Variants in VGLL4 observed in about 807,000 individuals in gnomAD.
VGLL4 encodes vestigial like family member 4, also known as transcription cofactor vestigial-like protein 4.
VGLL4 carries 7 observed loss-of-function variants against 21.0 expected under a neutral mutation model. The observed-to-expected ratio is 0.33, with a 90% CI of 0.19 to 0.63. The LOEUF (loss-of-function observed/expected upper bound fraction) is 0.63, where lower values mean the gene tolerates loss of function less well. Ranked by LOEUF, VGLL4 falls within the 20% of genes least tolerant of loss-of-function variation. The pLI is 0.78. For synonymous variants in VGLL4, 222 were observed against 173.2 expected, an observed-to-expected ratio of 1.28 and a Z score of -2.21; for missense variants, 394 against 425.7, an observed-to-expected ratio of 0.93 and a Z score of 0.66.
intron 2 of VGLL4, among the ~76,000 whole-genome samples, chr3:11,667,691 C>A (rs535683041): frequency 6.6e-6 from 1 of 152,220 alleles, no homozygotes; most frequent in Non-Finnish European, 1.5e-5. Context: ...CATCTCATTA[C>A]AAATTTCTTC....
At position 11,636,591 on chromosome 3, in the gene VGLL4, T is replaced by C. The variant is rs141517574; in HGVS notation, c.82+6846A>G. Among the ~76,000 whole-genome samples the C allele has an allele frequency of 4.5e-3, 684 of 152,322 alleles. 8 individuals carry two copies. Among genetic ancestry groups the C allele is most frequent in the African/African-American group, 0.016 (653 of 41,576 alleles). ...AAAGAAACCTGGCACAGCAACAAAGTTGACTTGTAACACATCTCAGCCTTT... is the reference window on the plus strand; with the variant it reads ...AAAGAAACCTGGCACAGCAACAAAGCTGACTTGTAACACATCTCAGCCTTT... On this transcript the variant is annotated intron_variant, in intron 1 of 4. Transcript: ENST00000430365.
chr3:11,603,969 G>A (rs1000512679), intron 1 of VGLL4, among the ~76,000 whole-genome samples: 2 of 152,218 alleles, frequency 1.3e-5, no homozygotes, highest in Admixed American at 1.3e-4. Flanking sequence ...AAATTCTCGT[G>A]CTTGTTTGCA....
intron 1 of VGLL4, among the ~76,000 whole-genome samples, chr3:11,714,695 T>C (rs2076894992): frequency 6.6e-6 from 1 of 152,190 alleles, no homozygotes; most frequent in South Asian, 2.1e-4. Flanking sequence ...AGAAACTCTT[T>C]GGCATTTTTA....
intron 1 of VGLL4, among the ~76,000 whole-genome samples, chr3:11,631,351 C>T (rs1314629632): frequency 6.6e-6 from 1 of 152,132 alleles, no homozygotes; most frequent in Non-Finnish European, 1.5e-5. Flanking sequence ...AGCCCAAGGC[C>T]AACCACTCAT....
intron 2 of VGLL4, among the ~76,000 whole-genome samples, chr3:11,692,295 T>G (rs2076537650): frequency 6.6e-6 from 1 of 152,180 alleles, no homozygotes; most frequent in Non-Finnish European, 1.5e-5. Context: ...ACTATAAAAA[T>G]AGCAGAGACA....
At position 11,558,523 on chromosome 3, in the gene VGLL4, C is replaced by T; in HGVS notation, c.*33G>A. 4 of 1,482,672 alleles carry T rather than the reference C, an allele frequency of 2.7e-6. No individual in the cohort carries two copies. Among genetic ancestry groups the T allele is most frequent in the Non-Finnish European group, 2.7e-6 (3 of 1,105,952 alleles). The allele number at this position is 1,482,672 out of a possible 1,614,324, so 91.8% of individuals were successfully genotyped here. The stretch of plus-strand genomic sequence containing the variant: ...CTGTTCAAAGCTCAGGCAAACCATG[C>T]AGATCCACGTGTTGTTGGAGGAGGC... On this transcript the variant is annotated 3_prime_UTR_variant, in exon 5 of 5. Transcript: ENST00000430365.
At chr3:11,598,230 T>A (rs917769428) in intron 2 of VGLL4, among the ~76,000 whole-genome samples, 4 of 151,058 alleles carry the variant, frequency 2.6e-5, no homozygotes, top group African/African-American at 9.7e-5. Flanking sequence ...TTTCACCATA[T>A]TGATCAGTCT....
chr3:11,644,243 A>G (rs2125334046), upstream of VGLL4, among the ~76,000 whole-genome samples: 1 of 152,352 alleles, frequency 6.6e-6, no homozygotes, highest in South Asian at 2.1e-4. Context: ...GTGAAACTTC[A>G]TGTTGGGGTT....
intron 1 of VGLL4, among the ~76,000 whole-genome samples, chr3:11,718,627 A>G (rs945689334): frequency 4.6e-5 from 7 of 151,974 alleles, no homozygotes; most frequent in Non-Finnish European, 7.4e-5. Flanking sequence ...GTCTTTGACT[A>G]TTTAGAGGAA....
chr3:11,614,784 C>T (rs57025329), intron 1 of VGLL4, among the ~76,000 whole-genome samples: 48 of 152,298 alleles, frequency 3.2e-4, no homozygotes, highest in African/African-American at 1.0e-3. Context: ...GCACACCATT[C>T]GAGAGCCTGA....
chr3:11,628,592 G>A (rs13096231), intron 1 of VGLL4, among the ~76,000 whole-genome samples: 63,387 of 151,108 alleles, frequency 0.42, 14,969 homozygotes, highest in Non-Finnish European at 0.56. Context: ...AGGCCAAGGC[G>A]GGCGGATCAC....
chr3:11,646,600 T>C (rs2075797436), upstream of VGLL4, among the ~76,000 whole-genome samples: 1 of 152,142 alleles, frequency 6.6e-6, no homozygotes, highest in African/African-American at 2.4e-5. Context: ...TTTTATTCAC[T>C]TATTTTGACA....
intron 1 of VGLL4, among the ~76,000 whole-genome samples, chr3:11,602,351 T>A (rs1427221573): frequency 6.6e-6 from 1 of 152,200 alleles, no homozygotes; most frequent in African/African-American, 2.4e-5. Flanking sequence ...ACCAAAGGTC[T>A]TTTCACGTGT....
At chr3:11,621,964 A>T (rs958927793) in intron 1 of VGLL4, among the ~76,000 whole-genome samples, 1 of 152,086 alleles carries the variant, frequency 6.6e-6, no homozygotes, top group African/African-American at 2.4e-5. Context: ...GTCTATTCAA[A>T]TCCTTTGCCC....
chr3:11,597,009 T>C (rs1001907422), intron 2 of VGLL4, among the ~76,000 whole-genome samples: 2 of 152,134 alleles, frequency 1.3e-5, no homozygotes, highest in Non-Finnish European at 2.9e-5. Context: ...GAACAACTTG[T>C]AGGCCAGAAA....
At chr3:11,570,991 G>A (rs956772533) in intron 2 of VGLL4, among the ~76,000 whole-genome samples, 1 of 152,198 alleles carries the variant, frequency 6.6e-6, no homozygotes, top group African/African-American at 2.4e-5. Flanking sequence ...ATTTTAGACG[G>A]GAAGTGAGGG....
chr3:11,564,994 G>C lies in VGLL4; in HGVS notation c.298C>G (p.Arg100Gly). 1 of 1,513,370 alleles carries C rather than the reference G, an allele frequency of 6.6e-7. No homozygotes were observed. The highest frequency in any genetic ancestry group is 8.8e-7 in the Non-Finnish European group (1 of 1,132,934). 93.7% of individuals were successfully genotyped at this position (1,513,370 alleles called of 1,614,324 possible). Residue 100 changes from arginine to glycine, a missense_variant, in exon 3 of 5, where the codon CGC (arginine) becomes GGC (glycine). By Grantham distance (125) the Arg-to-Gly change is moderately radical. Coordinates refer to ENST00000430365, the MANE Select transcript of VGLL4 (RefSeq NM_001128219.3). ...CGGCTCCGCTCCCGGGGGTCTCTGC[G>C]GCAGTCTCCATTGGCAGTCTTGTTC... Reference protein sequence around the residue: ...HLNKTANGDCRRDPRERSRSP... With the variant: ...HLNKTANGDCGRDPRERSRSP...
rs1240519333 is a variant in VGLL4, at chr3:11,636,949, C to G, written c.82+6488G>C. Reference sequence around the variant, plus strand: ...CCAAGAGTTCTCACACTCAAAGAGACGCTGGCTTCACATGGAGAAAACAAC... The same window carrying G: ...CCAAGAGTTCTCACACTCAAAGAGAGGCTGGCTTCACATGGAGAAAACAAC... On this transcript the variant is annotated intron_variant, in intron 1 of 4. Coordinates refer to ENST00000430365, the MANE Select transcript of VGLL4 (RefSeq NM_001128219.3). Among the ~76,000 whole-genome samples the G allele has an allele frequency of 2.6e-5, 4 of 151,818 alleles. No homozygotes were observed. The South Asian group carries it at 8.3e-4, about 32-fold the overall frequency.
At chr3:11,689,192 T>C (rs912292422) in intron 2 of VGLL4, among the ~76,000 whole-genome samples, 3 of 152,170 alleles carry the variant, frequency 2.0e-5, no homozygotes, top group Admixed American at 6.5e-5. Flanking sequence ...GGGTGTTCCT[T>C]TGGCTCACTT....
Sources: gnomAD v4.1 joint callset for allele counts (sites outside exome capture counted in the v4.1 genomes callset) on GRCh38, gnomAD v4.1.1 for gene constraint, MANE v1.5 for transcripts, NCBI Gene and HGNC (gene_info 2026-07-23, HGNC 2026-07-21) for gene names.